The following INO80 variants were observed in gnomAD, a reference collection of about 807,000 sequenced individuals.
INO80 encodes INO80 complex ATPase subunit.
Under a neutral mutation model 203.4 loss-of-function variants are expected in INO80, and 20 were observed. The observed-to-expected ratio is 0.10, with a 90% CI of 0.07 to 0.14. INO80 has a LOEUF of 0.14. Ranked by LOEUF, INO80 falls within the 10% of genes least tolerant of loss-of-function variation. The pLI, the probability that INO80 is intolerant of heterozygous loss-of-function variation, is 1.00. For missense variants in INO80, 1,419 were observed against 1,914.4 expected (o/e 0.74, Z 4.83); for synonymous variants, 726 against 685.2 (o/e 1.06, Z -0.93).
chr15:41,088,095 T>C (rs961506425), intron 5 of INO80, among the ~76,000 whole-genome samples: 3 of 145,200 alleles, frequency 2.1e-5, no homozygotes, highest in Admixed American at 6.8e-5. Context: ...TTCTTTTTTT[T>C]TTTTTTTTTT....
At chr15:41,096,093 T>G in intron 2 of INO80, 75 bp downstream of exon 2, 1 of 1,477,258 alleles carries the variant, frequency 6.8e-7, no homozygotes. Flanking sequence ...TAAGATACTT[T>G]AATCCTGTAA....
intron 1 of INO80, 99 bp from the exon 2 acceptor site, chr15:41,096,452 G>T: frequency 3.9e-6 from 3 of 776,240 alleles, no homozygotes; most frequent in Non-Finnish European, 5.6e-6. Flanking sequence ...AGACCTTCTA[G>T]AACACAAGAC....
intron 1 of INO80, among the ~76,000 whole-genome samples, chr15:41,102,491 AC>A (rs755836232): frequency 6.6e-6 from 1 of 152,014 alleles, no homozygotes; most frequent in Non-Finnish European, 1.5e-5. Context: ...ATATGGTGAA[AC>A]CCCATCTCTA....
chr15:41,088,144 G>A (rs1053003309), intron 5 of INO80, among the ~76,000 whole-genome samples: 9 of 141,876 alleles, frequency 6.3e-5, no homozygotes, highest in Non-Finnish European at 1.1e-4. Context: ...AGGCTGGAGT[G>A]CAGCGGCATG....
intron 28 of INO80, among the ~76,000 whole-genome samples, chr15:41,003,329 C>CTTTTTTTT (rs771356698): frequency 0.025 from 2,662 of 107,316 alleles, 147 homozygotes; most frequent in East Asian, 0.037. Flanking sequence ...TTTTTCTTTT[C>CTTTTTTTT]TTTTCTTTTT....
chr15:41,053,868 C>T (rs368868663), intron 19 of INO80, 61 bp downstream of exon 19: 11 of 1,247,784 alleles, frequency 8.8e-6, no homozygotes, highest in Non-Finnish European at 1.2e-5. Flanking sequence ...TAAATTTCTC[C>T]CCCTGGAATC....
chr15:40,984,221 T>C lies in INO80; in HGVS notation c.4053A>G (p.Ser1351=). ...CCTCACTGAAAGGGCTTGGCATGGCTGAGTCCACGCTAATGAAGGAGTCAT... is the reference window on the plus strand; with the variant it reads ...CCTCACTGAAAGGGCTTGGCATGGCCGAGTCCACGCTAATGAAGGAGTCAT... ...DGDDSFISVD[S]AMPSPFSEIS... is the part of the protein sequence containing the mutation. The change falls in exon 33 of 36, where the codon TCA becomes TCG. Residue 1351 remains serine (S), a synonymous_variant. Transcript: ENST00000648947. 2.5e-6 allele frequency: 4 copies of C among 1,613,648 alleles called. No homozygotes were observed. Among genetic ancestry groups the C allele is most frequent in the Non-Finnish European group, 3.4e-6 (4 of 1,179,764 alleles).
At chr15:41,018,293 T>C (rs1464190495) in intron 26 of INO80, 1 of 152,188 alleles carries the variant, frequency 6.6e-6, no homozygotes, top group African/African-American at 2.4e-5. Context: ...TTGAGAAACT[T>C]CAATTATTTC....
chr15:41,096,834 T>C (rs751266165), intron 1 of INO80, among the ~76,000 whole-genome samples: 2 of 152,222 alleles, frequency 1.3e-5, no homozygotes, highest in Admixed American at 1.3e-4. Flanking sequence ...ATGTAAGGTA[T>C]CTTATTTACA....
rs759006858 is a variant in INO80 at position 41,096,155 on chromosome 15, T to C, written c.143+13A>G. 14 of 1,592,226 alleles carry C rather than the reference T, an allele frequency of 8.8e-6. No individual in the cohort carries two copies. Among genetic ancestry groups the C allele is most frequent in the Middle Eastern group, 1.7e-4 (1 of 5,872 alleles). ...AATTTGGTAAAACATATTGCAAAGA[T>C]ACAATAACATACCTAGAAATATTCC... On this transcript the variant is annotated intron_variant, in intron 2 of 35. Coordinates refer to ENST00000648947, the MANE Select transcript of INO80 (RefSeq NM_017553.3).
At chr15:41,039,850 A>G (rs2044641244) in intron 24 of INO80, among the ~76,000 whole-genome samples, 3 of 152,238 alleles carry the variant, frequency 2.0e-5, no homozygotes, top group African/African-American at 7.2e-5. Context: ...AACTGCTCAC[A>G]TCGGTGGTTT....
intron 24 of INO80, among the ~76,000 whole-genome samples, chr15:41,035,645 C>T (rs1345194706): frequency 6.6e-6 from 1 of 151,508 alleles, no homozygotes; most frequent in South Asian, 2.1e-4. Context: ...CATGGTGAAA[C>T]CCCGTTTCTA....
At chr15:40,994,393 T>C (rs796595987) in intron 29 of INO80, among the ~76,000 whole-genome samples, 1 of 152,192 alleles carries the variant, frequency 6.6e-6, no homozygotes, top group African/African-American at 2.4e-5. Flanking sequence ...AGATGGAGTC[T>C]CACTGTGTCA....
intron 26 of INO80, chr15:41,017,979 T>C (rs755463282): frequency 6.6e-6 from 1 of 152,188 alleles, no homozygotes; most frequent in South Asian, 2.1e-4. Flanking sequence ...ATAACAACTT[T>C]TAAGGTTTTA....
chr15:40,996,332 C>A (rs1003048211), intron 29 of INO80, among the ~76,000 whole-genome samples: 1 of 152,086 alleles, frequency 6.6e-6, no homozygotes, highest in Non-Finnish European at 1.5e-5. Context: ...AAAGAATCCT[C>A]TTTTCTTTTT....
At chr15:41,050,139 A>G (rs202112264) in intron 19 of INO80, 37 bp from the exon 20 acceptor site, 2 of 1,493,082 alleles carry the variant, frequency 1.3e-6, no homozygotes, top group South Asian at 1.2e-5. Context: ...TTGGAAAAGT[A>G]GTTTTTAAGA....
At chr15:41,062,468 G>A (rs1413364503) in intron 14 of INO80, among the ~76,000 whole-genome samples, 1 of 152,166 alleles carries the variant, frequency 6.6e-6, no homozygotes, top group African/African-American at 2.4e-5. Flanking sequence ...TGGGCGCAGA[G>A]GTTGCAGTGA....
At chr15:41,106,381 C>T (rs796681154) in intron 1 of INO80, among the ~76,000 whole-genome samples, 36 of 93,002 alleles carry the variant, frequency 3.9e-4, no homozygotes, top group African/African-American at 1.3e-3. Context: ...CAGACCCTGT[C>T]TCAAAAAAAA....
intron 26 of INO80, among the ~76,000 whole-genome samples, chr15:41,020,376 T>C (rs2044273407): frequency 6.6e-6 from 1 of 152,208 alleles, no homozygotes. Flanking sequence ...GTAGTCTCAC[T>C]AAGGCAAAGA....
Sources: allele counts gnomAD v4.1 joint callset (sites outside exome capture counted in the v4.1 genomes callset), GRCh38; gene constraint gnomAD v4.1.1; transcripts MANE v1.5; gene names NCBI Gene and HGNC (gene_info 2026-07-23, HGNC 2026-07-21).